LRRC59: variants seen among roughly 807,000 people sequenced by gnomAD.
LRRC59 encodes the protein leucine rich repeat containing 59, also known as leucine-rich repeat-containing protein 59.
LRRC59 carries 18 observed loss-of-function variants against 33.5 expected under a neutral mutation model. The ratio of observed to expected loss-of-function variants is 0.54; its 90% CI spans 0.37 to 0.80. The LOEUF is 0.80. Ranked by LOEUF, LRRC59 falls within the 30% of genes least tolerant of loss-of-function variation. The pLI is 0.00. For synonymous variants in LRRC59, 138 were observed against 160.0 expected (o/e 0.86, Z 1.04); for missense variants, 330 against 391.9 (o/e 0.84, Z 1.33).
At chr17:50,394,595 TA>T (rs1175884301) in intron 2 of LRRC59, among the ~76,000 whole-genome samples, 1 of 152,126 alleles carries the variant, frequency 6.6e-6, no homozygotes, top group East Asian at 1.9e-4. Context: ...CTCTATGCAG[TA>T]GGGAGGTAAA....
chr17:50,392,329 G>A, intron 4 of LRRC59, 69 bp downstream of exon 4: 1 of 1,300,360 alleles, frequency 7.7e-7, no homozygotes, highest in Admixed American at 1.7e-5. Context: ...GCCCTAGGAG[G>A]GAAAAACAGG....
Position 50,397,217 on chromosome 17 carries a change from T to C in LRRC59, c.101A>G (p.Glu34Gly). The C allele has an allele frequency of 6.3e-7, 1 of 1,596,816 alleles. No individual in the cohort carries two copies. Among genetic ancestry groups the C allele is most frequent in the Non-Finnish European group, 8.5e-7 (1 of 1,172,592 alleles). ...GCCTCGCGGGACGATACTGACCAGC[T>C]CCTTCACCGGGACCTCATTCAGGTC... Reference protein sequence around the residue: ...LSDLNEVPVKELAALPKATIL... With the variant: ...LSDLNEVPVKGLAALPKATIL... Residue 34 changes from glutamate to glycine, a missense_variant, in exon 1 of 7, where the codon GAG (glutamate) becomes GGG (glycine). Glu to Gly is a moderately conservative substitution (Grantham distance 98). Coordinates refer to ENST00000225972, the MANE Select transcript of LRRC59 (RefSeq NM_018509.4).
At chr17:50,387,965 A>T (rs1914050604) in intron 5 of LRRC59, 95 bp downstream of exon 5, 1 of 1,245,496 alleles carries the variant, frequency 8.0e-7, no homozygotes, top group South Asian at 1.2e-5. Flanking sequence ...ACTGTTCTTC[A>T]TGACTACTCT....
Position 50,394,927 on chromosome 17 carries a change from A to C in LRRC59, c.165+2T>G. The C allele has an allele frequency of 6.3e-7, 1 of 1,591,524 alleles. No individual in the cohort carries two copies. The highest frequency in any genetic ancestry group is 8.6e-7 in the Non-Finnish European group (1 of 1,164,414). On this transcript the variant is annotated splice_donor_variant, in intron 2 of 6. Coordinates refer to ENST00000225972, the MANE Select transcript of LRRC59 (RefSeq NM_018509.4). LOFTEE classifies it high-confidence loss of function. ...GGAGTCACGGCTGCATGCCAATCTT[A>C]CCGGTAGAGTAGTCAGTTTATTACA...
chr17:50,383,184 C>G lies in LRRC59; in HGVS notation c.728G>C (p.Arg243Pro). ...CAGCAGCTTCAGCACAGCCCAGGAA[C>G]GAGTGTGCTTCCGGGGTGGTGGCTT... is the stretch of plus-strand genomic sequence containing the variant. The part of the protein sequence containing the change: ...PRKPPPRKHT[R>P]SWAVLKLLLL... The change falls in exon 7 of 7, where the codon CGT becomes CCT. Residue 243 changes from arginine (R) to proline (P), a missense_variant. By Grantham distance (103) the Arg-to-Pro change is moderately radical. Coordinates refer to ENST00000225972, the MANE Select transcript of LRRC59 (RefSeq NM_018509.4). The G allele has an allele frequency of 6.4e-7, 1 of 1,562,244 alleles. No individual in the cohort carries two copies. Among genetic ancestry groups the G allele is most frequent in the Non-Finnish European group, 8.7e-7 (1 of 1,153,008 alleles).
chr17:50,394,902 G>T (rs1317124742), intron 2 of LRRC59, 27 bp downstream of exon 2: 3 of 1,530,490 alleles, frequency 2.0e-6, no homozygotes, highest in Middle Eastern at 1.7e-4. Context: ...GGCACCAGAA[G>T]GAGTCACGGC....
At chr17:50,387,800 A>T (rs1262905925) in intron 5 of LRRC59, among the ~76,000 whole-genome samples, 1 of 152,218 alleles carries the variant, frequency 6.6e-6, no homozygotes, top group Non-Finnish European at 1.5e-5. Flanking sequence ...TGTTTTAGCC[A>T]CATTTCATAT....
chr17:50,392,594 C>G (rs749866726), intron 3 of LRRC59, 92 bp from the exon 4 acceptor site: 95 of 1,438,884 alleles, frequency 6.6e-5, no homozygotes, highest in Non-Finnish European at 9.0e-5. Flanking sequence ...AGGAAGAATG[C>G]CCCTCTGTGT....
At chr17:50,391,156 C>T (rs1459049248) in intron 4 of LRRC59, among the ~76,000 whole-genome samples, 1 of 152,168 alleles carries the variant, frequency 6.6e-6, no homozygotes, top group African/African-American at 2.4e-5. Context: ...TCAATGGTAG[C>T]TACTGTCAGC....
rs1000517690 is a variant in LRRC59, at chr17:50,397,508, C to G, written c.-191G>C. ...CGCCTAGCTCCCACCGGTGCCGCGACGACGACCACTTCCGTGTCCACGTCA... is the reference window on the plus strand; with the variant it reads ...CGCCTAGCTCCCACCGGTGCCGCGAGGACGACCACTTCCGTGTCCACGTCA... On this transcript the variant is annotated 5_prime_UTR_variant, in exon 1 of 7. Transcript: ENST00000225972. The G allele has an allele frequency of 4.0e-6, 2 of 501,892 alleles. No homozygotes were observed. Among genetic ancestry groups the G allele is most frequent in the South Asian group, 5.1e-5 (2 of 38,838 alleles). The allele number at this position is 501,892 out of a possible 1,614,324, so 31.1% of individuals were successfully genotyped here. A position where few individuals can be genotyped will look rare whatever the true frequency, so the allele number is the denominator to read the frequency against.
Position 50,397,299 on chromosome 17 carries a change from T to A in LRRC59, c.19A>T (p.Lys7Ter). The A allele has an allele frequency of 1.2e-6, 2 of 1,609,004 alleles. No homozygotes were observed. The highest frequency in any genetic ancestry group is 1.7e-6 in the Non-Finnish European group (2 of 1,178,090). The change falls in exon 1 of 7, where the codon AAG becomes TAG. Residue 7 changes from lysine (K) to a stop codon, truncating the protein, a stop_gained. Transcript: ENST00000225972. LOFTEE classifies it high-confidence loss of function. MTKAGS[K>*]GGNLRDKLDG... Reference sequence around the variant, plus strand: ...AGCTTGTCGCGGAGGTTCCCGCCCTTGCTACCGGCCTTGGTCATGGTAACG... The same window carrying A: ...AGCTTGTCGCGGAGGTTCCCGCCCTAGCTACCGGCCTTGGTCATGGTAACG...
rs2143348786 is a variant in LRRC59, at chr17:50,382,717, T to C, written c.*271A>G. The C allele has an allele frequency of 2.0e-6, 1 of 491,676 alleles. No homozygotes were observed. Among genetic ancestry groups the C allele is most frequent in the Non-Finnish European group, 3.6e-6 (1 of 274,992 alleles). 30.5% of individuals were successfully genotyped at this position (491,676 alleles called of 1,614,324 possible). On this transcript the variant is annotated 3_prime_UTR_variant, in exon 7 of 7. Transcript: ENST00000225972. Reference sequence around the variant, plus strand: ...TATAACAACTAGAAAAGGCTATGTTTTCTCTCTCCCCACCCCCAAGCCTAC... The same window carrying C: ...TATAACAACTAGAAAAGGCTATGTTCTCTCTCTCCCCACCCCCAAGCCTAC...
In LRRC59 at chr17:50,382,860, G is replaced by A. The variant is rs1913901220; in HGVS notation, c.*128C>T. On this transcript the variant is annotated 3_prime_UTR_variant, in exon 7 of 7. Coordinates refer to ENST00000225972, the MANE Select transcript of LRRC59 (RefSeq NM_018509.4). ...AAGTCCTACAAAGAGGAGGTCTCAT[G>A]TACCAATCTGCAGCCATTTGATGAT... 1.7e-6 allele frequency: 2 copies of A among 1,196,734 alleles called. No individual in the cohort carries two copies. The highest frequency in any genetic ancestry group is 1.5e-5 in the African/African-American group (1 of 66,016). The allele number at this position is 1,196,734 out of a possible 1,614,324, so 74.1% of individuals were successfully genotyped here.
In LRRC59 at chr17:50,385,181, C is replaced by A; in HGVS notation, c.613G>T (p.Ala205Ser). The A allele has an allele frequency of 6.2e-7, 1 of 1,614,166 alleles. No individual in the cohort carries two copies. The highest frequency in any genetic ancestry group is 8.5e-7 in the Non-Finnish European group (1 of 1,180,036). The part of the protein sequence containing the change: ...EKERRRKEYD[A>S]LKAAKREQEK... ...TGCTCCCGCTTGGCTGCTTTGAGGG[C>A]ATCATACTCCTTTCTCCGGCGCTCC... The change falls in exon 6 of 7, where the codon GCC becomes TCC. Residue 205 changes from alanine (A) to serine (S), a missense_variant. Coordinates refer to ENST00000225972, the MANE Select transcript of LRRC59 (RefSeq NM_018509.4).
chr17:50,397,521 C>T lies in LRRC59; in HGVS notation c.-204G>A. On this transcript the variant is annotated 5_prime_UTR_variant, in exon 1 of 7. Coordinates refer to ENST00000225972, the MANE Select transcript of LRRC59 (RefSeq NM_018509.4). Reference sequence around the variant, plus strand: ...CCGGTGCCGCGACGACGACCACTTCCGTGTCCACGTCACCTTCCGCGACCA... The same window carrying T: ...CCGGTGCCGCGACGACGACCACTTCTGTGTCCACGTCACCTTCCGCGACCA... The T allele has an allele frequency of 2.0e-6, 1 of 501,824 alleles. No individual in the cohort carries two copies. Among genetic ancestry groups the T allele is most frequent in the East Asian group, 3.5e-5 (1 of 28,464 alleles). 31.1% of individuals were successfully genotyped at this position (501,824 alleles called of 1,614,324 possible).
intron 5 of LRRC59, among the ~76,000 whole-genome samples, chr17:50,385,506 G>C (rs900361014): frequency 1.3e-4 from 20 of 152,300 alleles, no homozygotes; most frequent in African/African-American, 4.8e-4. Context: ...TTCTGATTAC[G>C]AGGTTCCTAT....
At chr17:50,388,390 A>C (rs961029980) in intron 4 of LRRC59, among the ~76,000 whole-genome samples, 3 of 152,112 alleles carry the variant, frequency 2.0e-5, no homozygotes, top group Non-Finnish European at 2.9e-5. Flanking sequence ...AAATGTAAAA[A>C]ATTGGCCAGG....
rs889646557 is a variant in LRRC59, at chr17:50,381,574, A to G, written c.*1414T>C. 4 of 153,006 alleles carry G rather than the reference A, an allele frequency of 2.6e-5. No homozygotes were observed. Among genetic ancestry groups the G allele is most frequent in the African/African-American group, 4.8e-5 (2 of 41,462 alleles). 9.5% of individuals were successfully genotyped at this position (153,006 alleles called of 1,614,324 possible). On this transcript the variant is annotated 3_prime_UTR_variant, in exon 7 of 7. Coordinates refer to ENST00000225972, the MANE Select transcript of LRRC59 (RefSeq NM_018509.4). ...CAAAGTCCTTTCTTCCAATATCAGG[A>G]TAGTCATGAGTTGCAGTCCCATCCA...
chr17:50,392,457 G>C lies in LRRC59; in HGVS notation c.370C>G (p.Leu124Val). 1 of 1,614,146 alleles carries C rather than the reference G, an allele frequency of 6.2e-7. No homozygotes were observed. The change falls in exon 4 of 7, where the codon CTG (leucine) becomes GTG (valine). Residue 124 changes from leucine (L) to valine (V), a missense_variant. Leu to Val is a conservative substitution (Grantham distance 32, BLOSUM62 1). Coordinates refer to ENST00000225972, the MANE Select transcript of LRRC59 (RefSeq NM_018509.4). ...AAGCAGTCACCTGCCACCTTGGCCA[G>C]GACAGGATCCAGGGGGTTATCCTTC... ...DLKDNPLDPV[L>V]AKVAGDCLDE...
Sources: allele counts gnomAD v4.1 joint callset (sites outside exome capture counted in the v4.1 genomes callset), GRCh38; gene constraint gnomAD v4.1.1; transcripts MANE v1.5; gene names NCBI Gene and HGNC (gene_info 2026-07-23, HGNC 2026-07-21).